PRKG1: variants seen among roughly 807,000 people sequenced by gnomAD.
PRKG1 encodes protein kinase cGMP-dependent 1.
In PRKG1, 35 loss-of-function variants were observed where a neutral mutation model predicts 88.1. The ratio of observed to expected loss-of-function variants is 0.40; its 90% CI spans 0.30 to 0.53. PRKG1 has a LOEUF of 0.53. Ranked by LOEUF, PRKG1 falls within the 20% of genes least tolerant of loss-of-function variation. The pLI, the probability that PRKG1 is intolerant of heterozygous loss-of-function variation, is 0.59. For missense variants in PRKG1, 540 were observed against 839.8 expected (o/e 0.64, Z 4.41); for synonymous variants, 303 against 292.5 (o/e 1.04, Z -0.37).
At chr10:51,854,943 G>A (rs528466702) in intron 4 of PRKG1, among the ~76,000 whole-genome samples, 1 of 152,122 alleles carries the variant, frequency 6.6e-6, no homozygotes, top group Non-Finnish European at 1.5e-5. Context: ...AGAGAACTGG[G>A]AAGGGTGGAG....
chr10:51,208,773 G>T (rs146382201), intron 2 of PRKG1, among the ~76,000 whole-genome samples: 1 of 152,246 alleles, frequency 6.6e-6, no homozygotes, highest in Non-Finnish European at 1.5e-5. Flanking sequence ...TGATGCCTTT[G>T]ACATGTGTTA....
chr10:51,243,803 A>G (rs1026889077), intron 2 of PRKG1, among the ~76,000 whole-genome samples: 3 of 152,196 alleles, frequency 2.0e-5, no homozygotes, highest in Admixed American at 2.0e-4. Context: ...ATATACTCCT[A>G]GAGAAGCAGG....
intron 2 of PRKG1, among the ~76,000 whole-genome samples, chr10:51,213,477 A>T (rs1324810663): frequency 6.6e-6 from 1 of 152,234 alleles, no homozygotes; most frequent in Non-Finnish European, 1.5e-5. Context: ...AATAAAAAAA[A>T]TGAGTAGTTA....
intron 3 of PRKG1, among the ~76,000 whole-genome samples, chr10:51,475,374 G>T (rs1291971233): frequency 1.3e-5 from 2 of 151,916 alleles, no homozygotes; most frequent in Non-Finnish European, 2.9e-5. Context: ...TTGGGGGTGG[G>T]TCACAGCTAT....
chr10:51,105,982 C>G (rs1033519748), intron 1 of PRKG1, among the ~76,000 whole-genome samples: 4 of 152,106 alleles, frequency 2.6e-5, no homozygotes, highest in African/African-American at 9.7e-5. Context: ...AGAGACAAGA[C>G]AGAAAAATAG....
At chr10:51,566,622 G>GT in intron 3 of PRKG1, among the ~76,000 whole-genome samples, 1 of 152,098 alleles carries the variant, frequency 6.6e-6, no homozygotes, top group South Asian at 2.1e-4. Flanking sequence ...TCTCCGAGAA[G>GT]TTGTCATTCA....
intron 3 of PRKG1, among the ~76,000 whole-genome samples, chr10:51,612,156 TTTTG>T (rs768699757): frequency 2.0e-5 from 3 of 152,118 alleles, no homozygotes; most frequent in Non-Finnish European, 4.4e-5. Flanking sequence ...TGAAAGATTA[TTTTG>T]TTTATTTCTG....
At chr10:51,126,302 T>G (rs1845414183) in intron 1 of PRKG1, among the ~76,000 whole-genome samples, 1 of 124,190 alleles carries the variant, frequency 8.1e-6, no homozygotes. Flanking sequence ...TAAATATTTA[T>G]ATATTTATAA....
chr10:51,232,651 T>A (rs1428957200), intron 2 of PRKG1, among the ~76,000 whole-genome samples: 2 of 152,066 alleles, frequency 1.3e-5, no homozygotes, highest in Non-Finnish European at 2.9e-5. Flanking sequence ...CTCAGTGCAA[T>A]GGAAAAAAAA....
intron 4 of PRKG1, among the ~76,000 whole-genome samples, chr10:51,823,866 CTTTTT>C (rs5784887): frequency 3.8e-5 from 3 of 78,732 alleles, no homozygotes; most frequent in Admixed American, 1.6e-4. Context: ...TTTCTCTCTC[CTTTTT>C]TTTTTTTTTT....
chr10:51,421,161 C>T (rs565967587), intron 2 of PRKG1, among the ~76,000 whole-genome samples: 1 of 151,410 alleles, frequency 6.6e-6, no homozygotes, highest in African/African-American at 2.4e-5. Context: ...CCTTTTATTT[C>T]TTGTTTGTTT....
intron 4 of PRKG1, among the ~76,000 whole-genome samples, chr10:51,816,693 A>G (rs2132633832): frequency 6.6e-6 from 1 of 152,246 alleles, no homozygotes; most frequent in East Asian, 1.9e-4. Context: ...TGTGTGTATA[A>G]TAAGTGATAG....
chr10:51,106,666 G>A (rs1844842511), intron 1 of PRKG1, among the ~76,000 whole-genome samples: 1 of 152,140 alleles, frequency 6.6e-6, no homozygotes, highest in Non-Finnish European at 1.5e-5. Context: ...CAGATTGAAG[G>A]CCTTTTTACC....
At chr10:52,036,979 G>A (rs1394247372) in intron 5 of PRKG1, among the ~76,000 whole-genome samples, 1 of 152,286 alleles carries the variant, frequency 6.6e-6, no homozygotes, top group Non-Finnish European at 1.5e-5. Context: ...CCGGAAGCTC[G>A]GCGTCTGTGA....
chr10:51,208,290 G>A (rs1312791495), intron 2 of PRKG1, among the ~76,000 whole-genome samples: 16 of 152,226 alleles, frequency 1.1e-4, no homozygotes, highest in East Asian at 1.9e-4. Context: ...ATGTGATACC[G>A]GTTATGTAAT....
chr10:51,778,112 G>A (rs1010851804), intron 3 of PRKG1, among the ~76,000 whole-genome samples: 3 of 152,012 alleles, frequency 2.0e-5, no homozygotes, highest in East Asian at 1.9e-4. Context: ...TAAGCTTTAC[G>A]ATTAAATAAC....
At chr10:51,532,315 G>A (rs895320702) in intron 3 of PRKG1, among the ~76,000 whole-genome samples, 2 of 152,144 alleles carry the variant, frequency 1.3e-5, no homozygotes, top group African/African-American at 2.4e-5. Context: ...TTATGAATCT[G>A]CAGCTTCTCA....
intron 3 of PRKG1, among the ~76,000 whole-genome samples, chr10:51,495,261 A>G (rs1338359691): frequency 1.3e-5 from 2 of 151,968 alleles, no homozygotes; most frequent in African/African-American, 4.8e-5. Context: ...CACCCAGCTA[A>G]TTTTTTGTAT....
intron 3 of PRKG1, among the ~76,000 whole-genome samples, chr10:51,597,449 G>GTATT (rs1838482249): frequency 6.6e-6 from 1 of 152,028 alleles, no homozygotes; most frequent in Non-Finnish European, 1.5e-5. Context: ...GCAATGTGAG[G>GTATT]GAATGATCTG....
Sources: gnomAD v4.1 joint callset for allele counts (sites outside exome capture counted in the v4.1 genomes callset) on GRCh38, gnomAD v4.1.1 for gene constraint, MANE v1.5 for transcripts, NCBI Gene and HGNC (gene_info 2026-07-23, HGNC 2026-07-21) for gene names.